The following BCL2L12 variants were observed in gnomAD, a reference collection of about 807,000 sequenced individuals.
BCL2L12 encodes bcl-2-like protein 12.
In BCL2L12, 27 loss-of-function variants were observed where a neutral mutation model predicts 25.7. That is an observed-to-expected ratio of 1.05 (90% CI 0.78 to 1.45). The LOEUF (loss-of-function observed/expected upper bound fraction) is 1.45, where lower values mean the gene tolerates loss of function less well. Ranked by LOEUF, BCL2L12 falls within the 40% of genes most tolerant of loss-of-function variation. The pLI, the probability that BCL2L12 is intolerant of heterozygous loss-of-function variation, is 0.00. For missense variants in BCL2L12, 302 were observed against 329.8 expected, an observed-to-expected ratio of 0.92 and a Z score of 0.65; for synonymous variants, 132 against 145.6, an observed-to-expected ratio of 0.91 and a Z score of 0.67.
At chr19:49,665,914 C>T (rs2081719538), upstream of BCL2L12, 4 of 1,613,522 alleles carry the variant, frequency 2.5e-6, no homozygotes, top group African/African-American at 1.3e-5. Context: ...GCAAATTGAG[C>T]GTGCACCCAG....
chr19:49,665,612 C>T (rs1251580947), upstream of BCL2L12: 9 of 606,272 alleles, frequency 1.5e-5, no homozygotes, highest in Non-Finnish European at 2.3e-5. Context: ...CAACGCTCTC[C>T]CGGGCTCTTC....
Position 49,669,104 on chromosome 19 carries a change from A to T in BCL2L12, c.418A>T (p.Ile140Phe), listed in dbSNP as rs768817373. 84 of 1,613,914 alleles carry T rather than the reference A, an allele frequency of 5.2e-5. No individual in the cohort carries two copies. Among genetic ancestry groups the T allele is most frequent in the Non-Finnish European group, 7.1e-5 (84 of 1,179,962 alleles). Residue 140 changes from isoleucine (I) to phenylalanine (F), a missense_variant, in exon 5 of 7, where the codon ATT (isoleucine) becomes TTT (phenylalanine). Transcript: ENST00000246784. ...CCTGCTGGAGGAGGAGGCAGAAGTC[A>T]TTAACCAGAAGGTGATGGGCATCTG... ...VALLEEEAEV[I>F]NQKLASDPAL... is the part of the protein sequence containing the mutation.
intron 3 of BCL2L12, among the ~76,000 whole-genome samples, chr19:49,667,925 T>A (rs2081856442): frequency 6.8e-6 from 1 of 147,672 alleles, no homozygotes; most frequent in African/African-American, 2.5e-5. Flanking sequence ...GGATTACAGG[T>A]GCACGCCAGC....
rs1203069149 is a variant in BCL2L12, at chr19:49,672,414, G to C, written c.703-1284G>C. On this transcript the variant is annotated intron_variant, in intron 6 of 6. Transcript: ENST00000246784. This position sits in a 1 kb window ranked among gnomAD's most constrained non-coding sequence, Gnocchi z 4.1. Reference sequence around the variant, plus strand: ...GGCGCCGGGCCAGCCAGGACCCTGTGGTCACGGTGAGTGACAACTCGGACT... The same window carrying C: ...GGCGCCGGGCCAGCCAGGACCCTGTCGTCACGGTGAGTGACAACTCGGACT... Among the ~76,000 whole-genome samples the C allele has an allele frequency of 2.0e-5, 3 of 152,238 alleles. No homozygotes were observed. The highest frequency in any genetic ancestry group is 7.2e-5 in the African/African-American group (3 of 41,462).
chr19:49,668,243 G>A (rs368832214), intron 3 of BCL2L12, among the ~76,000 whole-genome samples: 2 of 152,114 alleles, frequency 1.3e-5, no homozygotes, highest in African/African-American at 2.4e-5. Flanking sequence ...TTATAGGCAT[G>A]CGCCACCATG....
Position 49,666,151 on chromosome 19 carries a change from C to G in BCL2L12, c.-9+84C>G, listed in dbSNP as rs1004024873. 3.8e-5 allele frequency: 55 copies of G among 1,461,432 alleles called. 2 individuals carry two copies. In the South Asian group the frequency reaches 7.2e-4, roughly 19 times the overall value. 90.5% of individuals were successfully genotyped at this position (1,461,432 alleles called of 1,614,324 possible). ...AGTGGTGGGCACCCCAGTCCCGCTT[C>G]TCTGATATCCAAGGGTCCAGGGTCC... On this transcript the variant is annotated intron_variant, in intron 1 of 6. Transcript: ENST00000246784.
chr19:49,666,056 G>T lies in BCL2L12; in HGVS notation c.-20G>T, dbSNP rs747793415. On this transcript the variant is annotated 5_prime_UTR_variant, in exon 1 of 7. Coordinates refer to ENST00000246784, the MANE Select transcript of BCL2L12 (RefSeq NM_138639.2). ...GTTGAGTGGAGGAGGCGGCGGTGGG[G>T]CCCCGGACCAGGTCAGCGGGGTGTT... The T allele has an allele frequency of 6.4e-7, 1 of 1,553,232 alleles. No individual in the cohort carries two copies. Among genetic ancestry groups the T allele is most frequent in the East Asian group, 2.4e-5 (1 of 41,330 alleles).
At chr19:49,673,586 G>T in intron 6 of BCL2L12, 112 bp from the exon 7 acceptor site, 1 of 896,540 alleles carries the variant, frequency 1.1e-6, no homozygotes, top group Admixed American at 1.8e-5. Context: ...GTCACCCTCC[G>T]CTCTCTGGTT....
At chr19:49,670,194 C>T in intron 5 of BCL2L12, 22 bp from the exon 6 acceptor site, 2 of 1,596,882 alleles carry the variant, frequency 1.3e-6, no homozygotes, top group Non-Finnish European at 8.5e-7. Context: ...CTGACGCGGA[C>T]CCTGCCTCTT....
intron 6 of BCL2L12, among the ~76,000 whole-genome samples, chr19:49,671,629 C>T (rs1395595532): frequency 6.6e-6 from 1 of 152,016 alleles, no homozygotes; most frequent in East Asian, 1.9e-4. Context: ...CAGAGTGGGA[C>T]CCTGTCTCAA....
At chr19:49,668,493 A>C (rs1296614660) in intron 3 of BCL2L12, among the ~76,000 whole-genome samples, 1 of 152,022 alleles carries the variant, frequency 6.6e-6, no homozygotes, top group South Asian at 2.1e-4. Context: ...ACTGGGCCTC[A>C]GTTTACCCCA....
Position 49,666,731 on chromosome 19 carries a change from G to A in BCL2L12, c.39G>A (p.Thr13=), listed in dbSNP as rs781569630. The change falls in exon 2 of 7, where the codon ACG becomes ACA. Residue 13 remains threonine (T), a synonymous_variant. Coordinates refer to ENST00000246784, the MANE Select transcript of BCL2L12 (RefSeq NM_138639.2). ...AAGAGCTGGGGCTCCGGGAAGACACGCTGAGGGTCCTAGCTGCCTTCCTTA... is the reference window on the plus strand; with the variant it reads ...AAGAGCTGGGGCTCCGGGAAGACACACTGAGGGTCCTAGCTGCCTTCCTTA... ...GSEELGLRED[T]LRVLAAFLRR... 6 of 1,557,678 alleles carry A rather than the reference G, an allele frequency of 3.9e-6. No individual in the cohort carries two copies. In the African/African-American group the frequency reaches 5.5e-5, roughly 14 times the overall value.
chr19:49,670,139 A>G lies in BCL2L12; in HGVS notation c.430-77A>G, dbSNP rs1467017351. 7 of 1,529,672 alleles carry G rather than the reference A, an allele frequency of 4.6e-6. No individual in the cohort carries two copies. In the East Asian group the frequency reaches 1.6e-4, roughly 36 times the overall value. 94.8% of individuals were successfully genotyped at this position (1,529,672 alleles called of 1,614,324 possible). ...GCATCTAGAACGATCCTGAACCGGGAAGCCACGCCTCCCGGCCCTCTATTG... is the reference window on the plus strand; with the variant it reads ...GCATCTAGAACGATCCTGAACCGGGGAGCCACGCCTCCCGGCCCTCTATTG... On this transcript the variant is annotated intron_variant, in intron 5 of 6. Coordinates refer to ENST00000246784, the MANE Select transcript of BCL2L12 (RefSeq NM_138639.2).
Position 49,670,237 on chromosome 19 carries a change from C to G in BCL2L12, c.451C>G (p.Arg151Gly). The G allele has an allele frequency of 6.2e-7, 1 of 1,607,914 alleles. No homozygotes were observed. The highest frequency in any genetic ancestry group is 8.5e-7 in the Non-Finnish European group (1 of 1,179,554). Residue 151 changes from arginine to glycine, a missense_variant, in exon 6 of 7, where the codon CGC becomes GGC. Coordinates refer to ENST00000246784, the MANE Select transcript of BCL2L12 (RefSeq NM_138639.2). ...ACAGCTGGCCTCGGACCCCGCCCTG[C>G]GCAGCAAGCTGGTCCGCCTGTCCTC... ...NQKLASDPAL[R>G]SKLVRLSSDS...
Position 49,666,084 on chromosome 19 carries a change from C to T in BCL2L12, c.-9+17C>T. 6.5e-7 allele frequency: 1 copy of T among 1,533,532 alleles called. No homozygotes were observed. Among genetic ancestry groups the T allele is most frequent in the African/African-American group, 1.4e-5 (1 of 72,600 alleles). The allele number at this position is 1,533,532 out of a possible 1,614,324, so 95.0% of individuals were successfully genotyped here. A position where few individuals can be genotyped will look rare whatever the true frequency, so the allele number is the denominator to read the frequency against. ...CCGGACCAGGTCAGCGGGGTGTTGA[C>T]GAGGGGTGGGGTGAGGAGGGAAGAG... On this transcript the variant is annotated intron_variant, in intron 1 of 6. Transcript: ENST00000246784.
upstream of BCL2L12, chr19:49,665,930 C>T (rs1260491849): frequency 2.5e-6 from 4 of 1,613,804 alleles, no homozygotes; most frequent in Non-Finnish European, 3.4e-6. Context: ...CCCAGCGTTC[C>T]GCCCTTTCTA....
intron 6 of BCL2L12, among the ~76,000 whole-genome samples, chr19:49,673,076 G>C (rs991526284): frequency 6.6e-6 from 1 of 152,178 alleles, no homozygotes; most frequent in Non-Finnish European, 1.5e-5. Context: ...CTGTTGGCCA[G>C]GCTGGTCTCG....
At chr19:49,666,624 C>G in intron 1 of BCL2L12, 61 bp from the exon 2 acceptor site, 1 of 1,331,938 alleles carries the variant, frequency 7.5e-7, no homozygotes, top group South Asian at 1.4e-5. Flanking sequence ...AAGTCCTGGT[C>G]CCCAAGCCTC....
At chr19:49,671,091 G>A (rs551766900) in intron 6 of BCL2L12, among the ~76,000 whole-genome samples, 2 of 152,292 alleles carry the variant, frequency 1.3e-5, no homozygotes, top group South Asian at 4.1e-4. Context: ...GAACCTGGGA[G>A]GCAGAGATTG....
Sources: gnomAD v4.1 joint callset for allele counts (sites outside exome capture counted in the v4.1 genomes callset) on GRCh38, gnomAD v4.1.1 for gene constraint, Gnocchi (gnomAD v3.1) non-coding constraint, MANE v1.5 for transcripts, NCBI Gene and HGNC (gene_info 2026-07-23, HGNC 2026-07-21) for gene names.